Variants in UVRAG observed in about 807,000 individuals in gnomAD.
The protein encoded by UVRAG is UV radiation resistance associated, also known as UV radiation resistance-associated gene protein.
A neutral mutation model predicts 78.0 loss-of-function variants in UVRAG; 19 were observed. The observed-to-expected ratio is 0.24, with a 90% CI of 0.17 to 0.36. The LOEUF (loss-of-function observed/expected upper bound fraction) is 0.36, where lower values mean the gene tolerates loss of function less well. Among genes scored for constraint, UVRAG ranks in the 10% least tolerant of loss-of-function variants. The pLI is 1.00. For synonymous variants in UVRAG, 323 were observed against 324.6 expected (o/e 1.00, Z 0.05); for missense variants, 740 against 853.8 (o/e 0.87, Z 1.66).
At chr11:75,899,907 C>G (rs1015217555) in intron 5 of UVRAG, among the ~76,000 whole-genome samples, 16 of 152,140 alleles carry the variant, frequency 1.1e-4, no homozygotes, top group Non-Finnish European at 2.2e-4. Context: ...TTTTTTCCCC[C>G]TTTTCTCTTG....
Position 75,860,333 on chromosome 11 carries a change from CTT to C in UVRAG, c.236-1411_236-1410del, listed in dbSNP as rs147344077. Among the ~76,000 whole-genome samples the C allele has an allele frequency of 8.5e-3, 1,289 of 152,334 alleles. 19 individuals carry two copies. The highest frequency in any genetic ancestry group is 0.03 in the African/African-American group (1,252 of 41,564). On this transcript the variant is annotated intron_variant, in intron 2 of 14. Transcript: ENST00000356136. ...TTGCAAAAACTGTTTAATTTAGACA[CTT>C]TGCAGATTAAGCTAAGGAATTCGCT...
chr11:75,969,807 C>G (rs1164991228), intron 7 of UVRAG, among the ~76,000 whole-genome samples: 1 of 152,120 alleles, frequency 6.6e-6, no homozygotes, highest in African/African-American at 2.4e-5. Context: ...GTTGTCCATG[C>G]CCGTTGCTTC....
At chr11:75,818,247 G>T (rs1414284196) in intron 1 of UVRAG, among the ~76,000 whole-genome samples, 1 of 151,906 alleles carries the variant, frequency 6.6e-6, no homozygotes, top group Non-Finnish European at 1.5e-5. Flanking sequence ...ATGGAGTTGT[G>T]CAAAATGTAT....
intron 2 of UVRAG, among the ~76,000 whole-genome samples, chr11:75,860,153 C>G (rs759897011): frequency 2.0e-5 from 3 of 152,226 alleles, no homozygotes; most frequent in Admixed American, 6.5e-5. Context: ...CCATGTTGGC[C>G]AGACTGGTCT....
chr11:76,008,700 T>TG, intron 10 of UVRAG, 107 bp from the exon 11 acceptor site: 1 of 537,010 alleles, frequency 1.9e-6, no homozygotes, highest in Non-Finnish European at 3.3e-6. Flanking sequence ...TGATAATACT[T>TG]GGAGTTTAGA....
intron 14 of UVRAG, among the ~76,000 whole-genome samples, chr11:76,128,006 A>G (rs1395360047): frequency 6.6e-6 from 1 of 152,124 alleles, no homozygotes; most frequent in Admixed American, 6.5e-5. Flanking sequence ...GCATACTTAA[A>G]TGAATTGGAG....
chr11:76,124,497 G>A (rs866002940), intron 14 of UVRAG, among the ~76,000 whole-genome samples: 99 of 152,264 alleles, frequency 6.5e-4, no homozygotes, highest in African/African-American at 2.3e-3. Context: ...GGAGGGCAAC[G>A]TTGGGCCAAC....
chr11:75,842,511 G>A (rs1416837795), intron 1 of UVRAG, among the ~76,000 whole-genome samples: 1 of 148,390 alleles, frequency 6.7e-6, no homozygotes, highest in South Asian at 2.1e-4. Context: ...GCGTGATCAC[G>A]GCTCACTGCA....
intron 1 of UVRAG, among the ~76,000 whole-genome samples, chr11:75,842,567 G>C (rs552688297): frequency 1.3e-5 from 2 of 150,738 alleles, no homozygotes; most frequent in East Asian, 3.9e-4. Flanking sequence ...TCAGCCTCCC[G>C]AGTACTTGGG....
intron 3 of UVRAG, among the ~76,000 whole-genome samples, chr11:75,873,016 G>A (rs1370197876): frequency 6.6e-6 from 1 of 152,164 alleles, no homozygotes; most frequent in Non-Finnish European, 1.5e-5. Flanking sequence ...ATCAGTGATG[G>A]TGATGTGTCA....
rs1285526270 is a variant in UVRAG, at chr11:76,142,293, CA to C, written c.*885del. 6.6e-6 allele frequency: 1 copy of C among 152,178 alleles called. No homozygotes were observed. Among genetic ancestry groups the C allele is most frequent in the African/African-American group, 2.4e-5 (1 of 41,434 alleles). 9.4% of individuals were successfully genotyped at this position (152,178 alleles called of 1,614,324 possible). On this transcript the variant is annotated 3_prime_UTR_variant, in exon 15 of 15. Coordinates refer to ENST00000356136, the MANE Select transcript of UVRAG (RefSeq NM_003369.4). Reference sequence around the variant, plus strand: ...GCTTTCTGGCAATGCACTCACCAGACAAAAATCCCTTGATGTAAATCCCATG... The same window carrying C: ...GCTTTCTGGCAATGCACTCACCAGACAAAATCCCTTGATGTAAATCCCATG...
chr11:75,854,125 CTA>C (rs1946231534), intron 2 of UVRAG, among the ~76,000 whole-genome samples: 1 of 152,166 alleles, frequency 6.6e-6, no homozygotes, highest in Admixed American at 6.5e-5. Context: ...TTAATGCTAG[CTA>C]TTGTAACAAA....
intron 6 of UVRAG, among the ~76,000 whole-genome samples, chr11:75,933,865 G>A (rs1205898401): frequency 3.9e-5 from 6 of 152,170 alleles, no homozygotes; most frequent in Non-Finnish European, 8.8e-5. Flanking sequence ...TACTGGTGAG[G>A]AGGTGGAGAA....
At chr11:76,140,595 T>C in intron 14 of UVRAG, 116 bp from the exon 15 acceptor site, 1 of 1,038,074 alleles carries the variant, frequency 9.6e-7, no homozygotes, top group Non-Finnish European at 1.4e-6. Context: ...TAAGATTGAT[T>C]CTTATCTATT....
intron 6 of UVRAG, among the ~76,000 whole-genome samples, chr11:75,917,977 A>G (rs1010666600): frequency 1.3e-5 from 2 of 152,172 alleles, no homozygotes; most frequent in Admixed American, 6.5e-5. Flanking sequence ...TAGAATTTGT[A>G]TTCAAACCCA....
chr11:76,000,291 A>AT (rs1223769784), intron 8 of UVRAG, among the ~76,000 whole-genome samples: 1 of 152,232 alleles, frequency 6.6e-6, no homozygotes, highest in African/African-American at 2.4e-5. Flanking sequence ...ATCTACAAGA[A>AT]ATCCACTTTG....
intron 12 of UVRAG, among the ~76,000 whole-genome samples, chr11:76,045,144 C>T (rs571593882): frequency 1.3e-5 from 2 of 152,124 alleles, no homozygotes; most frequent in Admixed American, 6.5e-5. Flanking sequence ...CTAGAGAGGT[C>T]GAACTAGACT....
At chr11:75,918,432 C>G (rs923306173) in intron 6 of UVRAG, among the ~76,000 whole-genome samples, 5 of 151,648 alleles carry the variant, frequency 3.3e-5, no homozygotes, top group African/African-American at 9.7e-5. Flanking sequence ...GCTTAGAAAG[C>G]TTTGATATAT....
At chr11:75,860,299 A>G (rs1946390454) in intron 2 of UVRAG, among the ~76,000 whole-genome samples, 1 of 152,248 alleles carries the variant, frequency 6.6e-6, no homozygotes, top group Non-Finnish European at 1.5e-5. Flanking sequence ...TTAGAGCTAG[A>G]AATATGTATT....
Sources: allele counts gnomAD v4.1 joint callset (sites outside exome capture counted in the v4.1 genomes callset), GRCh38; gene constraint gnomAD v4.1.1; transcripts MANE v1.5; gene names NCBI Gene and HGNC (gene_info 2026-07-23, HGNC 2026-07-21).